ROCK1: variants seen among roughly 807,000 people sequenced by gnomAD.
ROCK1 encodes rho-associated protein kinase 1.
ROCK1 carries 36 observed loss-of-function variants against 196.8 expected under a neutral mutation model. That is an observed-to-expected ratio of 0.18 (90% confidence interval 0.14 to 0.24). ROCK1 has a LOEUF of 0.24. ROCK1 is among the 10% of genes least tolerant of loss of function. The pLI, the probability that ROCK1 is intolerant of heterozygous loss-of-function variation, is 1.00. For synonymous variants in ROCK1, 443 were observed against 515.9 expected (o/e 0.86, Z 1.91); for missense variants, 920 against 1,562.0 (o/e 0.59, Z 6.93).
At chr18:21,108,246 T>C (rs796676336) in intron 1 of ROCK1, among the ~76,000 whole-genome samples, 5 of 152,292 alleles carry the variant, frequency 3.3e-5, no homozygotes, top group African/African-American at 1.2e-4. Context: ...GTTTTAGAAG[T>C]GTTGGGCTCC....
intron 16 of ROCK1, among the ~76,000 whole-genome samples, chr18:21,002,940 A>T (rs2035738682): frequency 6.6e-6 from 1 of 151,958 alleles, no homozygotes; most frequent in Non-Finnish European, 1.5e-5. Flanking sequence ...AGGTTTCGTC[A>T]TGTTGTTCAG....
At chr18:21,049,926 C>T in intron 2 of ROCK1, 46 bp from the exon 3 acceptor site, 1 of 948,510 alleles carries the variant, frequency 1.1e-6, no homozygotes, top group Non-Finnish European at 1.6e-6. Flanking sequence ...TAAAGCATTA[C>T]AACTAGCACT....
At chr18:21,018,330 G>T (rs1169839791) in intron 12 of ROCK1, among the ~76,000 whole-genome samples, 1 of 151,966 alleles carries the variant, frequency 6.6e-6, no homozygotes, top group Non-Finnish European at 1.5e-5. Flanking sequence ...AGGAGCTCGA[G>T]ACCAGCCTGG....
rs2035184308 is a variant in ROCK1 at position 20,951,257 on chromosome 18, A to G, written c.*127T>C. 4 of 803,248 alleles carry G rather than the reference A, an allele frequency of 5.0e-6. No individual in the cohort carries two copies. The highest frequency in any genetic ancestry group is 7.7e-6 in the Non-Finnish European group (4 of 518,030). The allele number at this position is 803,248 out of a possible 1,614,324, so 49.8% of individuals were successfully genotyped here. ...TGTGCCAAAGCAAGGACAGAAAAACAGCAATCTTAACCCTGAAGCCTGTGA... is the reference window on the plus strand; with the variant it reads ...TGTGCCAAAGCAAGGACAGAAAAACGGCAATCTTAACCCTGAAGCCTGTGA... On this transcript the variant is annotated 3_prime_UTR_variant, in exon 33 of 33. Transcript: ENST00000399799.
At chr18:21,012,270 T>C (rs2035825846) in intron 13 of ROCK1, among the ~76,000 whole-genome samples, 1 of 152,158 alleles carries the variant, frequency 6.6e-6, no homozygotes, top group South Asian at 2.1e-4. Context: ...TCTTTTATCA[T>C]TTCCTTTCTG....
chr18:20,966,298 T>C (rs1411957569), intron 27 of ROCK1, among the ~76,000 whole-genome samples: 1 of 152,220 alleles, frequency 6.6e-6, no homozygotes, highest in Non-Finnish European at 1.5e-5. Context: ...GTTGTGTTTA[T>C]TTTTAAATTG....
chr18:20,961,287 C>T (rs773024840), intron 27 of ROCK1, among the ~76,000 whole-genome samples: 2 of 151,962 alleles, frequency 1.3e-5, no homozygotes, highest in Non-Finnish European at 2.9e-5. Context: ...ATATATTGTC[C>T]GCCTTCATAT....
At chr18:21,083,324 C>CTAAAAT (rs2036497726) in intron 1 of ROCK1, among the ~76,000 whole-genome samples, 1 of 151,958 alleles carries the variant, frequency 6.6e-6, no homozygotes, top group Non-Finnish European at 1.5e-5. Context: ...AATAGAAAAC[C>CTAAAAT]TCATCCTAAA....
chr18:20,991,959 T>C (rs1033987060), intron 17 of ROCK1, among the ~76,000 whole-genome samples: 3 of 152,180 alleles, frequency 2.0e-5, no homozygotes, highest in Admixed American at 6.5e-5. Context: ...TAAAAAAATA[T>C]ATTAAATCAT....
At chr18:21,064,165 C>G (rs545124574) in intron 2 of ROCK1, among the ~76,000 whole-genome samples, 34 of 152,266 alleles carry the variant, frequency 2.2e-4, no homozygotes, top group African/African-American at 8.2e-4. Flanking sequence ...CAGTCTCATC[C>G]CCTGCAGTCC....
In ROCK1 at chr18:20,959,145, A is replaced by AT. The variant is rs2035297409; in HGVS notation, c.3512+694_3512+695insA. On this transcript the variant is annotated intron_variant, in intron 29 of 32. Coordinates refer to ENST00000399799, the MANE Select transcript of ROCK1 (RefSeq NM_005406.3). The stretch of plus-strand genomic sequence containing the variant: ...AATATATATATTATATATATTATAT[A>AT]AAATATATATATTATATATTATATA... 4.7e-5 allele frequency among the ~76,000 whole-genome samples: 3 copies of AT among 64,496 alleles called. 1 individual carries two copies. The highest frequency in any genetic ancestry group is 2.5e-4 in the African/African-American group (3 of 12,104). 42.3% of individuals were successfully genotyped at this position (64,496 alleles called of 152,430 possible). A position where few individuals can be genotyped will look rare whatever the true frequency, so the allele number is the denominator to read the frequency against.
At chr18:20,975,602 T>A (rs902657403) in intron 22 of ROCK1, among the ~76,000 whole-genome samples, 1 of 152,118 alleles carries the variant, frequency 6.6e-6, no homozygotes, top group African/African-American at 2.4e-5. Flanking sequence ...TAAAATTTAA[T>A]TTAATTTTTA....
At chr18:21,014,065 CAAAA>C (rs56355855) in intron 13 of ROCK1, among the ~76,000 whole-genome samples, 38 of 69,840 alleles carry the variant, frequency 5.4e-4, no homozygotes, top group Non-Finnish European at 1.2e-3. Flanking sequence ...GACTCTGTCT[CAAAA>C]AAAAAAAAAA....
chr18:21,010,359 T>C (rs929622002), intron 13 of ROCK1, among the ~76,000 whole-genome samples: 2 of 152,232 alleles, frequency 1.3e-5, no homozygotes, highest in Non-Finnish European at 2.9e-5. Context: ...CATCACCATG[T>C]TAACAGCATC....
intron 3 of ROCK1, 58 bp from the exon 4 acceptor site, chr18:21,049,287 T>C: frequency 7.6e-7 from 1 of 1,310,222 alleles, no homozygotes; most frequent in Non-Finnish European, 1.0e-6. Context: ...AGCTCAAGGT[T>C]TCACAGAACA....
At chr18:20,993,044 C>A in intron 16 of ROCK1, 107 bp from the exon 17 acceptor site, 3 of 611,502 alleles carry the variant, frequency 4.9e-6, no homozygotes, top group South Asian at 2.3e-5. Flanking sequence ...TATTAAGTTT[C>A]CTGATCCGAT....
chr18:21,008,017 T>C (rs537367867), intron 14 of ROCK1, 42 bp downstream of exon 14: 1 of 1,475,850 alleles, frequency 6.8e-7, no homozygotes, highest in South Asian at 1.2e-5. Flanking sequence ...CTCATGACAG[T>C]GTTAGAAATT....
intron 11 of ROCK1, among the ~76,000 whole-genome samples, chr18:21,021,366 T>C (rs970869384): frequency 5.3e-5 from 8 of 152,072 alleles, no homozygotes; most frequent in South Asian, 2.1e-4. Flanking sequence ...ATCAGAACTT[T>C]GGGAAATGTT....
chr18:20,994,566 G>C (rs2035654355), intron 16 of ROCK1, among the ~76,000 whole-genome samples: 1 of 152,106 alleles, frequency 6.6e-6, no homozygotes, highest in Non-Finnish European at 1.5e-5. Flanking sequence ...AGTTCTAGGA[G>C]AAAATCTGTT....
Sources: gnomAD v4.1 joint callset for allele counts (sites outside exome capture counted in the v4.1 genomes callset) on GRCh38, gnomAD v4.1.1 for gene constraint, MANE v1.5 for transcripts, NCBI Gene and HGNC (gene_info 2026-07-23, HGNC 2026-07-21) for gene names.